Variants in COL9A1 observed in about 807,000 individuals in gnomAD.
COL9A1 encodes collagen type IX alpha 1 chain, also known as collagen alpha-1(IX) chain.
In COL9A1, 104 loss-of-function variants were observed where a neutral mutation model predicts 142.6. The observed-to-expected ratio is 0.73, with a 90% confidence interval of 0.62 to 0.86. The LOEUF (loss-of-function observed/expected upper bound fraction) is 0.86, where lower values mean the gene tolerates loss of function less well. Ranked by LOEUF, COL9A1 falls within the 40% of genes least tolerant of loss-of-function variation. The pLI, the probability that COL9A1 is intolerant of heterozygous loss-of-function variation, is 0.00. For synonymous variants in COL9A1, 466 were observed against 396.0 expected (o/e 1.18, Z -2.10); for missense variants, 1,210 against 1,176.6 (o/e 1.03, Z -0.42).
chr6:70,256,810 G>T lies in COL9A1; in HGVS notation c.1461C>A (p.Gly487=), dbSNP rs965419547. ...VGDKGEKGAR[G]LDGEPGPQGL... is the part of the protein sequence containing the mutation. The stretch of plus-strand genomic sequence containing the variant: ...CCTGAGGCCCAGGTTCACCATCTAA[G>T]CCCCGAGCACCCTGCAAAAAAACAA... Residue 487 remains glycine (G), a synonymous_variant, in exon 21 of 38, where the codon GGC becomes GGA. Transcript: ENST00000357250. 2 of 1,613,244 alleles carry T rather than the reference G, an allele frequency of 1.2e-6. No homozygotes were observed. Among genetic ancestry groups the T allele is most frequent in the Non-Finnish European group, 1.7e-6 (2 of 1,179,848 alleles).
intron 30 of COL9A1, 121 bp downstream of exon 30, chr6:70,241,843 G>T: frequency 1.2e-6 from 1 of 833,594 alleles, no homozygotes; most frequent in Non-Finnish European, 2.0e-6. Flanking sequence ...TATCTTTCTT[G>T]ATAGCTGTTT....
At chr6:70,244,164 T>G (rs757727947) in intron 28 of COL9A1, among the ~76,000 whole-genome samples, 2 of 152,254 alleles carry the variant, frequency 1.3e-5, no homozygotes, top group Non-Finnish European at 2.9e-5. Context: ...AGTAGTCATT[T>G]CATATGACTT....
At chr6:70,280,609 A>G in intron 10 of COL9A1, 1 of 1,296,746 alleles carries the variant, frequency 7.7e-7, no homozygotes, top group Non-Finnish European at 1.0e-6. Flanking sequence ...CCTCCTAGAG[A>G]GAGGTATCCT....
At chr6:70,222,828 CTTTA>C (rs1056878034) in intron 37 of COL9A1, 3 of 151,902 alleles carry the variant, frequency 2.0e-5, no homozygotes, top group African/African-American at 7.3e-5. Flanking sequence ...TCTGCAGTTT[CTTTA>C]TTTTAGGTAA....
At chr6:70,296,512 A>G (rs1489486266) in intron 4 of COL9A1, among the ~76,000 whole-genome samples, 1 of 152,126 alleles carries the variant, frequency 6.6e-6, no homozygotes, top group African/African-American at 2.4e-5. Context: ...TGTTTTTAAT[A>G]TACTTCCTGT....
intron 10 of COL9A1, 136 bp from the exon 11 acceptor site, chr6:70,274,908 A>G: frequency 1.4e-6 from 1 of 690,316 alleles, no homozygotes; most frequent in Non-Finnish European, 2.5e-6. Flanking sequence ...ATAAAGAAAT[A>G]CCTTACTATA....
intron 10 of COL9A1, chr6:70,280,000 A>G (rs3806099): frequency 0.4 from 276,483 of 686,760 alleles, 60,228 homozygotes; most frequent in African/African-American, 0.72. Flanking sequence ...CAGGGACAAA[A>G]TCAAGGACTG....
intron 37 of COL9A1, among the ~76,000 whole-genome samples, chr6:70,224,325 A>G (rs1396620264): frequency 6.6e-6 from 1 of 152,124 alleles, no homozygotes; most frequent in South Asian, 2.1e-4. Flanking sequence ...GGTTTACTGC[A>G]GGTGGGAGAT....
chr6:70,261,673 T>C (rs1771696557), intron 19 of COL9A1, among the ~76,000 whole-genome samples: 1 of 152,194 alleles, frequency 6.6e-6, no homozygotes, highest in Non-Finnish European at 1.5e-5. Flanking sequence ...GATGATCCAG[T>C]TTAGGATATC....
chr6:70,234,784 C>T lies in COL9A1; in HGVS notation c.2259+10G>A, dbSNP rs1171461917. ...CCAAAGGGAAACCACAGAAGCTGCC[C>T]ACCACTCACCGGAGGGCCCTGGACA... On this transcript the variant is annotated intron_variant, in intron 34 of 37. Coordinates refer to ENST00000357250, the MANE Select transcript of COL9A1 (RefSeq NM_001851.6). 1.2e-6 allele frequency: 2 copies of T among 1,613,962 alleles called. No homozygotes were observed. Among genetic ancestry groups the T allele is most frequent in the Non-Finnish European group, 1.7e-6 (2 of 1,180,014 alleles).
At chr6:70,255,271 A>G in intron 22 of COL9A1, 66 bp downstream of exon 22, 4 of 1,608,344 alleles carry the variant, frequency 2.5e-6, no homozygotes, top group Non-Finnish European at 3.4e-6. Flanking sequence ...CTTGTCAAAG[A>G]GATCAGCATA....
At chr6:70,249,881 C>T (rs1770827985) in intron 28 of COL9A1, among the ~76,000 whole-genome samples, 1 of 152,164 alleles carries the variant, frequency 6.6e-6, no homozygotes, top group South Asian at 2.1e-4. Context: ...TACTCCATGT[C>T]ATGTTTTGTA....
In COL9A1 at chr6:70,300,165, C is replaced by G. The variant is rs775903014; in HGVS notation, c.177G>C (p.Leu59=). Residue 59 remains leucine (L), a synonymous_variant, in exon 4 of 38, where the codon CTG becomes CTC. Coordinates refer to ENST00000357250, the MANE Select transcript of COL9A1 (RefSeq NM_001851.6). ...CTTTATCTACCTGGAACTGAGAGATCAGATCAAACCCTATAGAATGGGAAT... is the reference window on the plus strand; with the variant it reads ...CTTTATCTACCTGGAACTGAGAGATGAGATCAAACCCTATAGAATGGGAAT... ...IGQDDLPGFD[L]ISQFQVDKAA... The G allele has an allele frequency of 6.2e-7, 1 of 1,613,738 alleles. No homozygotes were observed. Among genetic ancestry groups the G allele is most frequent in the Non-Finnish European group, 8.5e-7 (1 of 1,179,886 alleles).
At position 70,280,606 on chromosome 6, in the gene COL9A1, G is replaced by A. The variant is rs1327424653; in HGVS notation, c.975+206C>T. 5 of 1,299,566 alleles carry A rather than the reference G, an allele frequency of 3.8e-6. No individual in the cohort carries two copies. In the African/African-American group the frequency reaches 6.0e-5, roughly 16 times the overall value. The allele number at this position is 1,299,566 out of a possible 1,614,324, so 80.5% of individuals were successfully genotyped here. A position where few individuals can be genotyped will look rare whatever the true frequency, so the allele number is the denominator to read the frequency against. On this transcript the variant is annotated intron_variant, in intron 10 of 37. Coordinates refer to ENST00000357250, the MANE Select transcript of COL9A1 (RefSeq NM_001851.6). ...GAGGAGGAAATGCCAACGCCTCCTA[G>A]AGAGAGGTATCCTCACCTTCACAAG...
intron 36 of COL9A1, among the ~76,000 whole-genome samples, chr6:70,226,367 T>C (rs1214801514): frequency 6.6e-6 from 1 of 152,158 alleles, no homozygotes; most frequent in Admixed American, 6.6e-5. Flanking sequence ...CAAGAATTAG[T>C]TCCACTACAA....
chr6:70,239,339 T>A, intron 32 of COL9A1, 53 bp from the exon 33 acceptor site: 1 of 1,236,370 alleles, frequency 8.1e-7, no homozygotes, highest in Non-Finnish European at 1.2e-6. Context: ...ATTTGATAAT[T>A]TCCTGAAAAC....
intron 36 of COL9A1, among the ~76,000 whole-genome samples, chr6:70,230,698 C>A (rs1457633883): frequency 6.6e-6 from 1 of 152,214 alleles, no homozygotes; most frequent in African/African-American, 2.4e-5. Flanking sequence ...ACCATTGTTT[C>A]CAGTGGTTCT....
chr6:70,258,009 G>C (rs590656), intron 20 of COL9A1, among the ~76,000 whole-genome samples: 58,433 of 152,064 alleles, frequency 0.38, 11,541 homozygotes, highest in African/African-American at 0.42. Context: ...AGCAGATCCA[G>C]TCTACCAAGT....
At chr6:70,222,720 C>T (rs1253468321) in intron 37 of COL9A1, 1 of 148,920 alleles carries the variant, frequency 6.7e-6, no homozygotes. Context: ...TGCCTTAGCA[C>T]AAAGAATGAT....
Sources: gnomAD v4.1 joint callset for allele counts (sites outside exome capture counted in the v4.1 genomes callset) on GRCh38, gnomAD v4.1.1 for gene constraint, MANE v1.5 for transcripts, NCBI Gene and HGNC (gene_info 2026-07-23, HGNC 2026-07-21) for gene names.